Variants in CDH13 observed in about 807,000 individuals in gnomAD.
CDH13 encodes cadherin-13.
A neutral mutation model predicts 63.8 loss-of-function variants in CDH13; 24 were observed. That is an observed-to-expected ratio of 0.38 (90% CI 0.27 to 0.53). The LOEUF is 0.53. Ranked by LOEUF, CDH13 falls within the 20% of genes least tolerant of loss-of-function variation. The pLI is 0.85. For missense variants in CDH13, 1,049 were observed against 903.1 expected (o/e 1.16, Z -2.07); for synonymous variants, 503 against 355.3 (o/e 1.42, Z -4.67).
At chr16:83,027,041 G>A (rs938425061) in intron 2 of CDH13, among the ~76,000 whole-genome samples, 9 of 151,716 alleles carry the variant, frequency 5.9e-5, no homozygotes, top group African/African-American at 1.5e-4. Flanking sequence ...AGGTCACTAC[G>A]GGCCTCTTAT....
Position 82,627,019 on chromosome 16 carries a change from C to T in CDH13, c.-74C>T, listed in dbSNP as rs749406850. ...GGCAGAGCCTCTCCTCAAAGCCTGG[C>T]TCCCACGGAAAATATGCTCAGTGCA... is the stretch of plus-strand genomic sequence containing the variant. On this transcript the variant is annotated 5_prime_UTR_variant, in exon 1 of 14. Coordinates refer to ENST00000567109, the MANE Select transcript of CDH13 (RefSeq NM_001257.5). 84 of 1,533,504 alleles carry T rather than the reference C, an allele frequency of 5.5e-5. No homozygotes were observed. The highest frequency in any genetic ancestry group is 4.5e-4 in the African/African-American group (33 of 72,784). 95.0% of individuals were successfully genotyped at this position (1,533,504 alleles called of 1,614,324 possible). A position where few individuals can be genotyped will look rare whatever the true frequency, so the allele number is the denominator to read the frequency against.
intron 5 of CDH13, among the ~76,000 whole-genome samples, chr16:83,246,797 A>C (rs1269893077): frequency 6.6e-6 from 1 of 152,174 alleles, no homozygotes; most frequent in Non-Finnish European, 1.5e-5. Context: ...TGTCGACTTC[A>C]AGATGTGTTC....
At chr16:82,743,954 C>T (rs1313359913) in intron 1 of CDH13, among the ~76,000 whole-genome samples, 1 of 152,136 alleles carries the variant, frequency 6.6e-6, no homozygotes, top group Admixed American at 6.5e-5. Flanking sequence ...GTATTAGGCA[C>T]CTACTATATA....
intron 5 of CDH13, among the ~76,000 whole-genome samples, chr16:83,223,311 A>G (rs2039751690): frequency 6.6e-6 from 1 of 152,220 alleles, no homozygotes; most frequent in Admixed American, 6.5e-5. Context: ...CATATGGCAG[A>G]AAGTGGAAGG....
rs111328425 is a variant in CDH13 at position 82,791,438 on chromosome 16, A to G, written c.46-66924A>G. On this transcript the variant is annotated intron_variant, in intron 1 of 13. Transcript: ENST00000567109. Reference sequence around the variant, plus strand: ...GCCTGAGAACACAGGGGGAGCGACAATGATCGGGATATAAACCCAGGCATT... The same window carrying G: ...GCCTGAGAACACAGGGGGAGCGACAGTGATCGGGATATAAACCCAGGCATT... Among the ~76,000 whole-genome samples, 30 of 152,298 alleles carry G rather than the reference A, an allele frequency of 2.0e-4. 2 individuals are homozygous for G. The highest frequency in any genetic ancestry group is 7.0e-4 in the African/African-American group (29 of 41,570).
chr16:83,193,053 C>G (rs1335092637), intron 4 of CDH13, among the ~76,000 whole-genome samples: 1 of 151,956 alleles, frequency 6.6e-6, no homozygotes, highest in South Asian at 2.1e-4. Context: ...AGATGGCACA[C>G]TCGGAGTTGT....
chr16:82,916,924 G>A (rs2042008214), intron 2 of CDH13, among the ~76,000 whole-genome samples: 1 of 152,178 alleles, frequency 6.6e-6, no homozygotes, highest in Non-Finnish European at 1.5e-5. Flanking sequence ...TTAGTATGTA[G>A]CAAACTAAAA....
At chr16:82,803,281 A>G (rs1178796059) in intron 1 of CDH13, among the ~76,000 whole-genome samples, 3 of 152,176 alleles carry the variant, frequency 2.0e-5, no homozygotes. Flanking sequence ...CTCAATTTTG[A>G]ATAATTCTCC....
chr16:83,791,530 T>C (rs146294079), intron 13 of CDH13, among the ~76,000 whole-genome samples: 54 of 151,280 alleles, frequency 3.6e-4, no homozygotes, highest in African/African-American at 1.3e-3. Context: ...TATGCATGCC[T>C]GGCTGGGTGG....
At chr16:83,791,269 G>T (rs1916246098) in intron 13 of CDH13, among the ~76,000 whole-genome samples, 1 of 152,178 alleles carries the variant, frequency 6.6e-6, no homozygotes, top group South Asian at 2.1e-4. Flanking sequence ...AGCCTAGGTG[G>T]GCCGATCACC....
chr16:83,488,778 C>G (rs149118737), intron 7 of CDH13, among the ~76,000 whole-genome samples: 7 of 152,208 alleles, frequency 4.6e-5, no homozygotes, highest in African/African-American at 1.7e-4. Flanking sequence ...GCGCCTGCCA[C>G]CACACCTGGC....
intron 4 of CDH13, among the ~76,000 whole-genome samples, chr16:83,170,428 A>G (rs1162108038): frequency 6.6e-6 from 1 of 152,090 alleles, no homozygotes; most frequent in African/African-American, 2.4e-5. Context: ...GAAGATGACA[A>G]CATAGGAGAA....
intron 5 of CDH13, among the ~76,000 whole-genome samples, chr16:83,312,940 A>G (rs1300861221): frequency 1.3e-5 from 2 of 152,188 alleles, no homozygotes; most frequent in Non-Finnish European, 2.9e-5. Flanking sequence ...ACACCATTCC[A>G]AAGCCCGCTG....
chr16:83,014,825 T>TA, intron 2 of CDH13, among the ~76,000 whole-genome samples: 1 of 53,498 alleles, frequency 1.9e-5, no homozygotes, highest in Non-Finnish European at 3.6e-5. Flanking sequence ...TGTATATATA[T>TA]ATTTGTATAT....
chr16:83,592,835 C>T (rs368323188), intron 7 of CDH13, among the ~76,000 whole-genome samples: 1 of 152,134 alleles, frequency 6.6e-6, no homozygotes, highest in African/African-American at 2.4e-5. Flanking sequence ...TGTTCACATT[C>T]GTACCAAGAG....
At chr16:83,396,042 G>C (rs946051451) in intron 6 of CDH13, among the ~76,000 whole-genome samples, 15 of 152,166 alleles carry the variant, frequency 9.9e-5, no homozygotes, top group African/African-American at 3.6e-4. Context: ...GGAACATGTG[G>C]TATTTGGTTT....
At chr16:83,747,993 G>T (rs1261420734) in intron 10 of CDH13, 115 bp from the exon 11 acceptor site, 1 of 1,114,200 alleles carries the variant, frequency 9.0e-7, no homozygotes, top group African/African-American at 1.5e-5. Flanking sequence ...GATGGTTTTG[G>T]ATTTTTGTTA....
chr16:83,593,217 A>C (rs906498085), intron 7 of CDH13, among the ~76,000 whole-genome samples: 4 of 152,220 alleles, frequency 2.6e-5, no homozygotes, highest in African/African-American at 7.2e-5. Context: ...AGAGGAAACG[A>C]ATGAATGAAT....
chr16:83,360,325 T>C (rs74034194), intron 6 of CDH13, among the ~76,000 whole-genome samples: 4,113 of 152,272 alleles, frequency 0.027, 95 homozygotes, highest in African/African-American at 0.068. Context: ...AGTTTTGTTA[T>C]GAGAATTAAA....
Sources: allele counts gnomAD v4.1 joint callset (sites outside exome capture counted in the v4.1 genomes callset), GRCh38; gene constraint gnomAD v4.1.1; transcripts MANE v1.5; gene names NCBI Gene and HGNC (gene_info 2026-07-23, HGNC 2026-07-21).